MAST2: variants seen among roughly 807,000 people sequenced by gnomAD.
The protein encoded by MAST2 is microtubule associated serine/threonine kinase 2, also known as microtubule-associated serine/threonine-protein kinase 2.
Under a neutral mutation model 147.4 loss-of-function variants are expected in MAST2, and 70 were observed. That is an observed-to-expected ratio of 0.47 (90% CI 0.39 to 0.58). The LOEUF is 0.58. Among genes scored for constraint, MAST2 ranks in the 20% least tolerant of loss-of-function variants. MAST2 has a pLI of 0.00. For missense variants in MAST2, 2,080 were observed against 2,302.3 expected (o/e 0.90, Z 1.98); for synonymous variants, 869 against 896.8 (o/e 0.97, Z 0.55).
Position 46,032,173 on chromosome 1 carries a change from T to A in MAST2, c.3188-5T>A, listed in dbSNP as rs755255277. Reference sequence around the variant, plus strand: ...CCCACTAAGTCCTGGCTTCTCCTTCTCCAGAACACCACACCTGCTCCCCGT... The same window carrying A: ...CCCACTAAGTCCTGGCTTCTCCTTCACCAGAACACCACACCTGCTCCCCGT... On this transcript the variant is annotated splice_region_variant and splice_polypyrimidine_tract_variant and intron_variant, in intron 24 of 28. Transcript: ENST00000361297. The A allele has an allele frequency of 1.2e-6, 2 of 1,613,240 alleles. No individual in the cohort carries two copies. The highest frequency in any genetic ancestry group is 2.2e-5 in the South Asian group (2 of 91,048).
At chr1:45,906,371 GAAATAATAAATTTAAAATTTAAAAATAAA>G (rs1233706270) in intron 4 of MAST2, among the ~76,000 whole-genome samples, 1 of 151,630 alleles carries the variant, frequency 6.6e-6, no homozygotes, top group African/African-American at 2.4e-5. Context: ...CATTTAAAAA[GAAATAATAAATTTAAAATTTAAAAATAAA>G]AAACAGCCTA....
intron 5 of MAST2, among the ~76,000 whole-genome samples, chr1:45,962,073 A>G (rs1660504317): frequency 6.6e-6 from 1 of 151,982 alleles, no homozygotes; most frequent in Non-Finnish European, 1.5e-5. Context: ...TTCCAGCTTC[A>G]TCCATGTCCC....
At chr1:45,970,749 G>A (rs1227975373) in intron 5 of MAST2, among the ~76,000 whole-genome samples, 1 of 149,918 alleles carries the variant, frequency 6.7e-6, no homozygotes, top group Non-Finnish European at 1.5e-5. Flanking sequence ...TCCAGTTTTG[G>A]GGGCAGTGGT....
chr1:45,964,418 T>C (rs1336489736), intron 5 of MAST2, among the ~76,000 whole-genome samples: 6 of 152,238 alleles, frequency 3.9e-5, no homozygotes, highest in Non-Finnish European at 5.9e-5. Flanking sequence ...TATTAAGAGA[T>C]TCAACTTCCT....
intron 4 of MAST2, among the ~76,000 whole-genome samples, chr1:45,933,620 G>C (rs1365221302): frequency 1.3e-5 from 2 of 151,750 alleles, no homozygotes; most frequent in Non-Finnish European, 2.9e-5. Flanking sequence ...TGGGCATGGT[G>C]GTGGGCACCT....
intron 3 of MAST2, among the ~76,000 whole-genome samples, chr1:45,834,170 A>T (rs889942229): frequency 6.6e-6 from 1 of 152,140 alleles, no homozygotes; most frequent in Non-Finnish European, 1.5e-5. Context: ...GCAGAACAGG[A>T]TTCACATATA....
chr1:46,001,333 T>G (rs1023607398), intron 6 of MAST2, among the ~76,000 whole-genome samples: 1 of 152,246 alleles, frequency 6.6e-6, no homozygotes, highest in African/African-American at 2.4e-5. Flanking sequence ...CTGACTCTGG[T>G]GGCCCCTGCT....
chr1:45,828,779 C>T (rs1644865148), intron 2 of MAST2, among the ~76,000 whole-genome samples: 1 of 152,082 alleles, frequency 6.6e-6, no homozygotes, highest in South Asian at 2.1e-4. Context: ...AAAACATGAG[C>T]CAGGTGTGGT....
chr1:45,958,539 T>TC (rs1467104842), intron 4 of MAST2, among the ~76,000 whole-genome samples: 2 of 147,026 alleles, frequency 1.4e-5, no homozygotes, highest in Non-Finnish European at 3.0e-5. Flanking sequence ...TCTCCCTCTA[T>TC]CCCCCTCTCC....
chr1:45,838,938 A>G (rs922571751), intron 3 of MAST2, among the ~76,000 whole-genome samples: 48 of 152,242 alleles, frequency 3.2e-4, no homozygotes, highest in African/African-American at 1.0e-3. Flanking sequence ...GAATGGAGAG[A>G]TACAACATTT....
At chr1:45,823,167 C>T (rs957265055) in intron 1 of MAST2, among the ~76,000 whole-genome samples, 13 of 151,064 alleles carry the variant, frequency 8.6e-5, no homozygotes, top group Admixed American at 7.3e-4. Flanking sequence ...TTTTTGAACT[C>T]ACTAATCACA....
At chr1:45,885,159 T>G (rs1570541188) in intron 4 of MAST2, among the ~76,000 whole-genome samples, 1 of 152,180 alleles carries the variant, frequency 6.6e-6, no homozygotes, top group East Asian at 1.9e-4. Flanking sequence ...GGAAAATTTT[T>G]AAAGTTTCTA....
intron 4 of MAST2, among the ~76,000 whole-genome samples, chr1:45,933,646 C>A (rs1046652692): frequency 1.3e-5 from 2 of 150,934 alleles, no homozygotes; most frequent in Non-Finnish European, 3.0e-5. Context: ...CCCAGCTACT[C>A]GGGAGGCTGA....
At chr1:45,851,529 C>T (rs911463876) in intron 3 of MAST2, among the ~76,000 whole-genome samples, 2 of 152,234 alleles carry the variant, frequency 1.3e-5, no homozygotes, top group African/African-American at 4.8e-5. Flanking sequence ...GAGTAGACAT[C>T]CTTGTCTTGT....
At chr1:45,962,377 A>T (rs1289344860) in intron 5 of MAST2, among the ~76,000 whole-genome samples, 2 of 152,002 alleles carry the variant, frequency 1.3e-5, no homozygotes, top group Non-Finnish European at 2.9e-5. Flanking sequence ...ACTAGTTTAC[A>T]GTCCCACCAA....
Position 46,031,397 on chromosome 1 carries a change from A to C in MAST2, c.2999A>C (p.Glu1000Ala). The change falls in exon 24 of 29, where the codon GAG becomes GCG. Residue 1000 changes from glutamate to alanine, a missense_variant. Transcript: ENST00000361297. This position sits in a 1 kb window ranked among gnomAD's most constrained non-coding sequence, Gnocchi z 4.1. ...GRSSGSSPAM[E>A]TRGRGTSQLA... ...TGCTTACTTGGGCCTACAGCTATGG[A>C]GACCCGAGGCCGTGGGACCTCACAG... The C allele has an allele frequency of 6.2e-7, 1 of 1,611,718 alleles. No individual in the cohort carries two copies. The highest frequency in any genetic ancestry group is 1.1e-5 in the South Asian group (1 of 90,828).
rs34012353 is a variant in MAST2 at position 45,948,706 on chromosome 1, C to CAAAAA, written c.501-10657_501-10653dup. Among the ~76,000 whole-genome samples the CAAAAA allele has an allele frequency of 2.7e-3, 108 of 40,254 alleles. 11 individuals are homozygous for CAAAAA. The highest frequency in any genetic ancestry group is 2.8e-3 in the African/African-American group (25 of 8,836). The allele number at this position is 40,254 out of a possible 152,430, so 26.4% of individuals were successfully genotyped here. ...TGGGCGACAGAGTGAGACTCCATCT[C>CAAAAA]AAAAAAAAAAAAAAAAAAAAAAAAA... On this transcript the variant is annotated intron_variant, in intron 4 of 28. Transcript: ENST00000361297.
At chr1:46,010,282 T>G (rs1362367110) in intron 9 of MAST2, among the ~76,000 whole-genome samples, 4 of 152,324 alleles carry the variant, frequency 2.6e-5, no homozygotes, top group Non-Finnish European at 4.4e-5. Context: ...CCCATTTGCC[T>G]GGGGAAATGA....
intron 5 of MAST2, among the ~76,000 whole-genome samples, chr1:45,984,757 G>A (rs1304981907): frequency 1.3e-5 from 2 of 152,118 alleles, no homozygotes; most frequent in South Asian, 2.1e-4. Flanking sequence ...GGAGGCCAAC[G>A]CGGGAGGATT....
Sources: allele counts gnomAD v4.1 joint callset (sites outside exome capture counted in the v4.1 genomes callset), GRCh38; gene constraint gnomAD v4.1.1; non-coding constraint Gnocchi (gnomAD v3.1); transcripts MANE v1.5; gene names NCBI Gene and HGNC (gene_info 2026-07-23, HGNC 2026-07-21).